Variants in SMAP1 observed in about 807,000 individuals in gnomAD.
The protein encoded by SMAP1 is small ArfGAP 1.
In SMAP1, 24 loss-of-function variants were observed where a neutral mutation model predicts 58.5. The ratio of observed to expected loss-of-function variants is 0.41; its 90% CI spans 0.30 to 0.58. The LOEUF is 0.58. SMAP1 is among the 20% of genes least tolerant of loss of function. The pLI is 0.29. For synonymous variants in SMAP1, 216 were observed against 196.6 expected, an observed-to-expected ratio of 1.10 and a Z score of -0.82; for missense variants, 563 against 566.3, an observed-to-expected ratio of 0.99 and a Z score of 0.06.
chr6:70,829,247 G>C (rs1038817265), intron 6 of SMAP1, among the ~76,000 whole-genome samples: 1 of 149,800 alleles, frequency 6.7e-6, no homozygotes, highest in Admixed American at 6.6e-5. Flanking sequence ...TTTTTTTTCT[G>C]TTTTTTTCTT....
At chr6:70,673,788 C>G (rs547244432) in intron 1 of SMAP1, among the ~76,000 whole-genome samples, 3 of 152,294 alleles carry the variant, frequency 2.0e-5, no homozygotes, top group African/African-American at 7.2e-5. Flanking sequence ...GGGCAGAGCC[C>G]TGGTATCAGA....
intron 3 of SMAP1, among the ~76,000 whole-genome samples, chr6:70,760,699 G>A (rs2149896446): frequency 6.6e-6 from 1 of 151,966 alleles, no homozygotes; most frequent in East Asian, 1.9e-4. Context: ...TAGTTTTATA[G>A]ATATAAATAT....
chr6:70,758,817 G>T (rs1050029368), intron 3 of SMAP1, among the ~76,000 whole-genome samples: 1 of 152,082 alleles, frequency 6.6e-6, no homozygotes, highest in Non-Finnish European at 1.5e-5. Flanking sequence ...GAAATTTCTA[G>T]CTTGGTTGAC....
chr6:70,791,904 C>A, intron 5 of SMAP1, 135 bp downstream of exon 5: 1 of 677,764 alleles, frequency 1.5e-6, no homozygotes, highest in Non-Finnish European at 2.3e-6. Flanking sequence ...ACAGCAATTT[C>A]TAGAATTTTT....
At chr6:70,804,678 G>A (rs562965119) in intron 6 of SMAP1, among the ~76,000 whole-genome samples, 1 of 152,216 alleles carries the variant, frequency 6.6e-6, no homozygotes, top group South Asian at 2.1e-4. Context: ...AGGAGCTCTT[G>A]TAAGGCAGGC....
Position 70,732,432 on chromosome 6 carries a change from G to A in SMAP1, c.173G>A (p.Gly58Glu). 1 of 1,612,836 alleles carries A rather than the reference G, an allele frequency of 6.2e-7. No homozygotes were observed. Among genetic ancestry groups the A allele is most frequent in the Non-Finnish European group, 8.5e-7 (1 of 1,179,220 alleles). The change falls in exon 2 of 11, where the codon GGA becomes GAA. Residue 58 changes from glycine (G) to glutamate (E), a missense_variant. This residue lies in a region of SMAP1 where 17 missense variants were observed against 45.9 expected (regional missense o/e 0.37). Coordinates refer to ENST00000370455, the MANE Select transcript of SMAP1 (RefSeq NM_001044305.3). The stretch of plus-strand genomic sequence containing the variant: ...GTGTTTATTTGCATCAGATGTGCTG[G>A]AATTCATAGAAATCTTGGGGTTCAT... ...IGVFICIRCAGIHRNLGVHIS... is the reference protein window; with the variant it reads ...IGVFICIRCAEIHRNLGVHIS...
intron 6 of SMAP1, among the ~76,000 whole-genome samples, chr6:70,815,758 T>A (rs1769602357): frequency 6.6e-6 from 1 of 152,004 alleles, no homozygotes; most frequent in South Asian, 2.1e-4. Context: ...CTCAAGGTGT[T>A]TTTTTTTAAG....
intron 4 of SMAP1, among the ~76,000 whole-genome samples, chr6:70,790,151 A>T (rs1369959692): frequency 6.6e-6 from 1 of 151,516 alleles, no homozygotes; most frequent in Non-Finnish European, 1.5e-5. Flanking sequence ...TTTATTTTTT[A>T]TTTTTTTGAG....
At chr6:70,776,158 C>T (rs960321146) in intron 4 of SMAP1, among the ~76,000 whole-genome samples, 7 of 152,054 alleles carry the variant, frequency 4.6e-5, no homozygotes, top group African/African-American at 1.7e-4. Flanking sequence ...GGGGTATCCA[C>T]AGAGGGACAT....
In SMAP1 at chr6:70,837,001, G is replaced by GCTC; in HGVS notation, c.637_638insCTC (p.Glu213delinsAlaGln). Reference sequence around the variant, plus strand: ...AAGTACCAGCCCTAAAAAAGCTGCGGAGCCCACTGTGGATCTTTTAGGACT... The same window carrying GCTC: ...AAGTACCAGCCCTAAAAAAGCTGCGGCTCAGCCCACTGTGGATCTTTTAGGACT... On this transcript the variant is annotated protein_altering_variant, in exon 7 of 11. Transcript: ENST00000370455. 6.2e-7 allele frequency: 1 copy of GCTC among 1,601,026 alleles called. No individual in the cohort carries two copies. The highest frequency in any genetic ancestry group is 8.5e-7 in the Non-Finnish European group (1 of 1,174,192).
rs1406116638 is a variant in SMAP1 at position 70,668,128 on chromosome 6, C to T, written c.105C>T (p.Asp35=). The change falls in exon 1 of 11, where the codon GAC becomes GAT. Residue 35 remains aspartate (D), a synonymous_variant. Transcript: ENST00000370455. ...AGGAGGACAACAAGTACTGCGCCGACTGCGAGGCCAAAGGTAGCTTGGACG... is the reference window on the plus strand; with the variant it reads ...AGGAGGACAACAAGTACTGCGCCGATTGCGAGGCCAAAGGTAGCTTGGACG... The part of the protein sequence containing the change: ...LREEDNKYCA[D]CEAKGPRWAS... The T allele has an allele frequency of 1.3e-6, 2 of 1,599,732 alleles. No individual in the cohort carries two copies. Among genetic ancestry groups the T allele is most frequent in the East Asian group, 2.3e-5 (1 of 43,100 alleles).
chr6:70,832,678 T>G (rs1395913145), intron 6 of SMAP1, among the ~76,000 whole-genome samples: 1 of 152,102 alleles, frequency 6.6e-6, no homozygotes, highest in Non-Finnish European at 1.5e-5. Context: ...TGCTGTATCA[T>G]CCCATGGTTG....
At chr6:70,767,127 C>A (rs1418207556) in intron 3 of SMAP1, among the ~76,000 whole-genome samples, 2 of 152,100 alleles carry the variant, frequency 1.3e-5, no homozygotes, top group African/African-American at 2.4e-5. Context: ...GGTACCAATA[C>A]CATGCTGTTT....
chr6:70,767,163 T>G (rs1299985663), intron 3 of SMAP1, among the ~76,000 whole-genome samples: 7 of 152,088 alleles, frequency 4.6e-5, no homozygotes, highest in African/African-American at 1.7e-4. Context: ...TGTAGTATAG[T>G]TTGAAGTCAG....
intron 1 of SMAP1, among the ~76,000 whole-genome samples, chr6:70,707,004 A>G (rs1055546603): frequency 1.3e-5 from 2 of 152,132 alleles, no homozygotes; most frequent in East Asian, 3.9e-4. Flanking sequence ...TTTGCCACAT[A>G]TGTTTGTCCT....
chr6:70,746,528 T>G (rs1019690148), intron 2 of SMAP1, among the ~76,000 whole-genome samples: 1 of 152,156 alleles, frequency 6.6e-6, no homozygotes, highest in Admixed American at 6.6e-5. Context: ...AAGCTGACTG[T>G]ATCCTGGTGG....
intron 3 of SMAP1, among the ~76,000 whole-genome samples, chr6:70,764,287 ATGTAAC>A (rs1410579993): frequency 6.6e-6 from 1 of 152,172 alleles, no homozygotes; most frequent in Non-Finnish European, 1.5e-5. Context: ...TATCCAGAAG[ATGTAAC>A]TAAGATAATT....
At chr6:70,703,985 A>C (rs925237243) in intron 1 of SMAP1, among the ~76,000 whole-genome samples, 2 of 152,156 alleles carry the variant, frequency 1.3e-5, no homozygotes, top group Non-Finnish European at 2.9e-5. Flanking sequence ...AATGTGTTAT[A>C]TATTTTGTTT....
intron 2 of SMAP1, 127 bp from the exon 3 acceptor site, chr6:70,754,853 C>G (rs967651577): frequency 1.2e-5 from 6 of 502,810 alleles, no homozygotes; most frequent in African/African-American, 7.7e-5. Context: ...AATTATATTT[C>G]TAAGGAGAAT....
Sources: allele counts gnomAD v4.1 joint callset (sites outside exome capture counted in the v4.1 genomes callset), GRCh38; gene constraint gnomAD v4.1.1; regional missense constraint gnomAD v4.1.1; transcripts MANE v1.5; gene names NCBI Gene and HGNC (gene_info 2026-07-23, HGNC 2026-07-21).